Variants in CSMD1 observed in about 807,000 individuals in gnomAD.
CSMD1 encodes the protein CUB and Sushi multiple domains 1.
In CSMD1, 213 loss-of-function variants were observed where a neutral mutation model predicts 417.5. The ratio of observed to expected loss-of-function variants is 0.51; its 90% CI spans 0.46 to 0.57. The LOEUF is 0.57. Ranked by LOEUF, CSMD1 falls within the 20% of genes least tolerant of loss-of-function variation. The pLI is 0.00. For missense variants in CSMD1, 6,923 were observed against 4,529.7 expected, an observed-to-expected ratio of 1.53 and a Z score of -15.17; for synonymous variants, 2,862 against 1,736.8, an observed-to-expected ratio of 1.65 and a Z score of -16.11.
intron 3 of CSMD1, among the ~76,000 whole-genome samples, chr8:4,068,284 T>G (rs1563080273): frequency 6.6e-6 from 1 of 152,066 alleles, no homozygotes; most frequent in Non-Finnish European, 1.5e-5. Flanking sequence ...AGAAGTCTAC[T>G]TTGTAGCTGG....
chr8:4,092,094 AT>A (rs1489296074), intron 3 of CSMD1, among the ~76,000 whole-genome samples: 1 of 152,188 alleles, frequency 6.6e-6, no homozygotes. Flanking sequence ...GAGGGACGTA[AT>A]TCTGATTATT....
At chr8:4,940,531 C>G (rs933863484) in intron 1 of CSMD1, among the ~76,000 whole-genome samples, 1 of 152,210 alleles carries the variant, frequency 6.6e-6, no homozygotes, top group African/African-American at 2.4e-5. Context: ...TTGCAGAAAT[C>G]AAACTGAAAA....
At chr8:4,146,463 C>T (rs922284611) in intron 3 of CSMD1, among the ~76,000 whole-genome samples, 1 of 150,500 alleles carries the variant, frequency 6.6e-6, no homozygotes, top group Non-Finnish European at 1.5e-5. Context: ...GTAGAGTTAA[C>T]AATGTTGAAA....
At chr8:3,943,574 A>G (rs1409555107) in intron 5 of CSMD1, among the ~76,000 whole-genome samples, 2 of 152,126 alleles carry the variant, frequency 1.3e-5, no homozygotes, top group Non-Finnish European at 2.9e-5. Context: ...TTACAAAAAG[A>G]AAAATAGTGA....
rs376709153 is a variant in CSMD1, at chr8:4,675,046, C to T, written c.86-37488G>A. ...AAACTGGCTGCACCTTAGTGTTGGA[C>T]GCACAGGGCTCCAGAACTGCGAGGA... On this transcript the variant is annotated intron_variant, in intron 1 of 69. Coordinates refer to ENST00000635120, the MANE Select transcript of CSMD1 (RefSeq NM_033225.6). 3.5e-4 allele frequency among the ~76,000 whole-genome samples: 53 copies of T among 152,298 alleles called. No homozygotes were observed. The East Asian group carries it at 6.0e-3, about 17-fold the overall frequency.
intron 1 of CSMD1, among the ~76,000 whole-genome samples, chr8:4,654,706 G>C (rs969637850): frequency 3.3e-5 from 5 of 152,114 alleles, no homozygotes; most frequent in African/African-American, 1.2e-4. Context: ...CTGTGGAAGA[G>C]GTGTCTTATT....
chr8:3,766,455 A>G (rs2129057471), intron 5 of CSMD1, among the ~76,000 whole-genome samples: 1 of 152,328 alleles, frequency 6.6e-6, no homozygotes. Flanking sequence ...CTGTGAAGAC[A>G]GGCCTCTCAG....
chr8:4,647,945 C>A (rs1177415915), intron 1 of CSMD1, among the ~76,000 whole-genome samples: 1 of 152,146 alleles, frequency 6.6e-6, no homozygotes, highest in Non-Finnish European at 1.5e-5. Flanking sequence ...AATGGGATTG[C>A]TGGTCAAATG....
At chr8:4,024,849 G>A (rs903865310) in intron 4 of CSMD1, among the ~76,000 whole-genome samples, 1 of 152,198 alleles carries the variant, frequency 6.6e-6, no homozygotes, top group South Asian at 2.1e-4. Context: ...CAATGCTGCT[G>A]AGAATTGTTT....
chr8:3,265,198 T>C (rs182679430), intron 26 of CSMD1, among the ~76,000 whole-genome samples: 1 of 151,792 alleles, frequency 6.6e-6, no homozygotes, highest in Admixed American at 6.6e-5. Context: ...AAAATAAGAA[T>C]CAGAAAATAA....
intron 1 of CSMD1, among the ~76,000 whole-genome samples, chr8:4,698,964 C>A (rs182163994): frequency 1.3e-5 from 2 of 151,570 alleles, no homozygotes; most frequent in African/African-American, 2.4e-5. Flanking sequence ...CGAACGAACA[C>A]GTCAGGATTA....
At position 3,004,854 on chromosome 8, in the gene CSMD1, C is replaced by A. The variant is rs566230429; in HGVS notation, c.8030-4723G>T. 3.3e-5 allele frequency among the ~76,000 whole-genome samples: 5 copies of A among 152,210 alleles called. No individual in the cohort carries two copies. In the East Asian group the frequency reaches 9.7e-4, roughly 29 times the overall value. On this transcript the variant is annotated intron_variant, in intron 52 of 69. Coordinates refer to ENST00000635120, the MANE Select transcript of CSMD1 (RefSeq NM_033225.6). ...AAATATGTCATTGGAATAAGAATAC[C>A]GTGGCCAGGCGCAGTGGCTCATGCC...
At chr8:3,578,453 C>T (rs1017485243) in intron 9 of CSMD1, among the ~76,000 whole-genome samples, 4 of 152,158 alleles carry the variant, frequency 2.6e-5, no homozygotes, top group African/African-American at 4.8e-5. Flanking sequence ...CTCGGCAGTG[C>T]ACGCAGGCCC....
At chr8:3,021,867 G>T (rs561939489) in intron 51 of CSMD1, among the ~76,000 whole-genome samples, 1 of 145,974 alleles carries the variant, frequency 6.9e-6, no homozygotes, top group Admixed American at 6.8e-5. Context: ...GAATGCACCC[G>T]CAATCCCACA....
chr8:4,076,873 C>A (rs1385059654), intron 3 of CSMD1, among the ~76,000 whole-genome samples: 1 of 152,056 alleles, frequency 6.6e-6, no homozygotes, highest in African/African-American at 2.4e-5. Flanking sequence ...TCATTTTTTC[C>A]ATTATCTTTC....
chr8:3,879,959 G>A (rs1250242469), intron 5 of CSMD1, among the ~76,000 whole-genome samples: 3 of 152,044 alleles, frequency 2.0e-5, no homozygotes, highest in Non-Finnish European at 2.9e-5. Flanking sequence ...TTTATTTGAT[G>A]GGTTAGAATT....
intron 3 of CSMD1, among the ~76,000 whole-genome samples, chr8:4,372,308 G>A (rs1217597268): frequency 2.6e-5 from 4 of 152,168 alleles, no homozygotes; most frequent in African/African-American, 7.2e-5. Flanking sequence ...ATGACATCAT[G>A]AGAACAGACT....
At chr8:3,741,802 G>T (rs943509340) in intron 6 of CSMD1, among the ~76,000 whole-genome samples, 1 of 152,098 alleles carries the variant, frequency 6.6e-6, no homozygotes, top group Non-Finnish European at 1.5e-5. Flanking sequence ...GACCCTCCAT[G>T]GCCCTTCTAC....
At chr8:3,678,372 G>T (rs143965922) in intron 7 of CSMD1, among the ~76,000 whole-genome samples, 1 of 152,108 alleles carries the variant, frequency 6.6e-6, no homozygotes, top group Non-Finnish European at 1.5e-5. Flanking sequence ...ACCATGGCAC[G>T]GGAACTACGT....
Sources: gnomAD v4.1 joint callset for allele counts (sites outside exome capture counted in the v4.1 genomes callset) on GRCh38, gnomAD v4.1.1 for gene constraint, MANE v1.5 for transcripts, NCBI Gene and HGNC (gene_info 2026-07-23, HGNC 2026-07-21) for gene names.